The following NUDT7 variants were observed in gnomAD, a reference collection of about 807,000 sequenced individuals.
The protein encoded by NUDT7 is nudix hydrolase 7, also known as peroxisomal coenzyme A diphosphatase NUDT7.
In NUDT7, 19 loss-of-function variants were observed where a neutral mutation model predicts 13.1. The ratio of observed to expected loss-of-function variants is 1.45; its 90% CI spans 1.01 to 2.13. The LOEUF (loss-of-function observed/expected upper bound fraction) is 2.13. Ranked by LOEUF, NUDT7 falls within the 30% of genes most tolerant of loss-of-function variation. NUDT7 has a pLI of 0.00. For synonymous variants in NUDT7, 132 were observed against 109.7 expected (o/e 1.20, Z -1.27); for missense variants, 360 against 291.7 (o/e 1.23, Z -1.71).
chr16:77,726,782 G>A (rs771749688), intron 2 of NUDT7, among the ~76,000 whole-genome samples: 8 of 152,118 alleles, frequency 5.3e-5, no homozygotes, highest in Admixed American at 1.3e-4. Context: ...GAGGAACAGC[G>A]AGACTCCATC....
chr16:77,731,751 CT>C (rs1248037760), intron 2 of NUDT7, among the ~76,000 whole-genome samples: 3 of 151,930 alleles, frequency 2.0e-5, no homozygotes, highest in African/African-American at 7.3e-5. Context: ...ATTGTTGCCC[CT>C]GAAGACCTTC....
chr16:77,740,917 T>A (rs1050223674), intron 3 of NUDT7, among the ~76,000 whole-genome samples: 1 of 152,238 alleles, frequency 6.6e-6, no homozygotes, highest in South Asian at 2.1e-4. Context: ...TATACATGTG[T>A]GTTATATAAA....
At chr16:77,730,354 C>G (rs751368088) in intron 2 of NUDT7, among the ~76,000 whole-genome samples, 2 of 152,108 alleles carry the variant, frequency 1.3e-5, no homozygotes, top group Non-Finnish European at 2.9e-5. Context: ...TTTAATATTC[C>G]ACATATGAAT....
Position 77,742,022 on chromosome 16 carries a change from G to A in NUDT7, c.*72G>A. 6.7e-7 allele frequency: 1 copy of A among 1,493,642 alleles called. No individual in the cohort carries two copies. The highest frequency in any genetic ancestry group is 8.8e-7 in the Non-Finnish European group (1 of 1,130,492). The allele number at this position is 1,493,642 out of a possible 1,614,324, so 92.5% of individuals were successfully genotyped here. A position where few individuals can be genotyped will look rare whatever the true frequency, so the allele number is the denominator to read the frequency against. On this transcript the variant is annotated 3_prime_UTR_variant, in exon 4 of 4. Coordinates refer to ENST00000268533, the MANE Select transcript of NUDT7 (RefSeq NM_001105663.3). ...TGCTTATTCGTAGAACAACAACAAT[G>A]CCAGCTGTTGGAATTTGACAGGTGT...
At chr16:77,726,956 G>A (rs867406558) in intron 2 of NUDT7, among the ~76,000 whole-genome samples, 1 of 115,510 alleles carries the variant, frequency 8.7e-6, no homozygotes, top group Admixed American at 8.7e-5. Flanking sequence ...TCATGGCAGA[G>A]GGGGAGCAGG....
rs765614153 is a variant in NUDT7 at position 77,741,585 on chromosome 16, G to C, written c.352G>C (p.Asp118His). 14 of 1,601,432 alleles carry C rather than the reference G, an allele frequency of 8.7e-6. No homozygotes were observed. In the South Asian group the frequency reaches 1.5e-4, roughly 17 times the overall value. The stretch of plus-strand genomic sequence containing the variant: ...CTGTTTTGTTTTCTGCTTTTAGACA[G>C]ATACATTGATAACTCCATTTGTGGG... ...CCLVPCLIDT[D>H]TLITPFVGLI... The change falls in exon 4 of 4, where the codon GAT becomes CAT. Residue 118 changes from aspartate (D) to histidine (H), a missense_variant. By Grantham distance (81) the Asp-to-His change is moderately conservative. Coordinates refer to ENST00000268533, the MANE Select transcript of NUDT7 (RefSeq NM_001105663.3).
intron 1 of NUDT7, among the ~76,000 whole-genome samples, chr16:77,723,384 C>G (rs2014025905): frequency 6.6e-6 from 1 of 152,054 alleles, no homozygotes; most frequent in Non-Finnish European, 1.5e-5. Context: ...GGTGAGCACC[C>G]TGCCACCTAG....
At chr16:77,736,775 ACTTTC>A (rs1388702654) in intron 3 of NUDT7, 1 of 175,944 alleles carries the variant, frequency 5.7e-6, no homozygotes, top group Non-Finnish European at 1.2e-5. Flanking sequence ...TTCTGATCTT[ACTTTC>A]TATCGGTTCA....
At chr16:77,735,623 AAGTT>A (rs762666600) in intron 2 of NUDT7, 13 of 603,844 alleles carry the variant, frequency 2.2e-5, no homozygotes, top group Admixed American at 1.7e-4. Flanking sequence ...AATAGAATAA[AAGTT>A]AGCAGTGAGA....
At chr16:77,727,481 T>G (rs1029459257) in intron 2 of NUDT7, among the ~76,000 whole-genome samples, 9 of 152,184 alleles carry the variant, frequency 5.9e-5, no homozygotes, top group Non-Finnish European at 1.2e-4. Context: ...GGGAAATACT[T>G]AAATGGAAAC....
chr16:77,723,003 G>A (rs1034890241), intron 1 of NUDT7, among the ~76,000 whole-genome samples: 7 of 152,114 alleles, frequency 4.6e-5, no homozygotes, highest in African/African-American at 1.7e-4. Flanking sequence ...TGTCAGTTTC[G>A]TAAACTCTCT....
rs148451618 is a variant in NUDT7 at position 77,723,592 on chromosome 16, CTTTT to C, written c.35+990_35+993del. Among the ~76,000 whole-genome samples, 1,031 of 125,662 alleles carry C rather than the reference CTTTT, an allele frequency of 8.2e-3. 22 individuals are homozygous for C. Among genetic ancestry groups the C allele is most frequent in the African/African-American group, 0.03 (956 of 31,908 alleles). The allele number at this position is 125,662 out of a possible 152,430, so 82.4% of individuals were successfully genotyped here. Reference sequence around the variant, plus strand: ...AACTCAGAGAAGTCATTTGTATACACTTTTTTTTTTTTTTTTTTGAGACAGAGTC... The same window carrying C: ...AACTCAGAGAAGTCATTTGTATACACTTTTTTTTTTTTTTGAGACAGAGTC... On this transcript the variant is annotated intron_variant, in intron 1 of 3. Transcript: ENST00000268533.
At chr16:77,727,152 T>C (rs2014164294) in intron 2 of NUDT7, among the ~76,000 whole-genome samples, 1 of 152,116 alleles carries the variant, frequency 6.6e-6, no homozygotes, top group African/African-American at 2.4e-5. Context: ...CAGTTCAACA[T>C]GAGATTTGGG....
At position 77,742,046 on chromosome 16, in the gene NUDT7, G is replaced by T; in HGVS notation, c.*96G>T. On this transcript the variant is annotated 3_prime_UTR_variant, in exon 4 of 4. Coordinates refer to ENST00000268533, the MANE Select transcript of NUDT7 (RefSeq NM_001105663.3). ...TGCCAGCTGTTGGAATTTGACAGGT[G>T]TGAATATTTTTTCTGCAGTATGTAG... 1 of 1,485,752 alleles carries T rather than the reference G, an allele frequency of 6.7e-7. No homozygotes were observed. The highest frequency in any genetic ancestry group is 8.9e-7 in the Non-Finnish European group (1 of 1,127,198). 92.0% of individuals were successfully genotyped at this position (1,485,752 alleles called of 1,614,324 possible).
intron 2 of NUDT7, among the ~76,000 whole-genome samples, chr16:77,733,187 C>T (rs1454891203): frequency 1.3e-5 from 2 of 152,194 alleles, no homozygotes; most frequent in Non-Finnish European, 2.9e-5. Context: ...TTTATCATGG[C>T]ATTGTCATAG....
chr16:77,724,714 C>G (rs1023461922), intron 1 of NUDT7, among the ~76,000 whole-genome samples: 5 of 152,202 alleles, frequency 3.3e-5, no homozygotes, highest in African/African-American at 1.2e-4. Flanking sequence ...ACTGTTCAAC[C>G]CACTATACAA....
chr16:77,722,653 G>A, intron 1 of NUDT7, 36 bp downstream of exon 1: 1 of 1,570,166 alleles, frequency 6.4e-7, no homozygotes, highest in Non-Finnish European at 8.7e-7. Context: ...CCCGAGCTTG[G>A]TCAGGCCCGG....
chr16:77,733,585 A>G (rs186752719), intron 2 of NUDT7, among the ~76,000 whole-genome samples: 37 of 152,364 alleles, frequency 2.4e-4, no homozygotes, highest in African/African-American at 7.9e-4. Context: ...TATATGGCCT[A>G]GGTGCTAAAA....
At chr16:77,727,469 G>A (rs7189238) in intron 2 of NUDT7, among the ~76,000 whole-genome samples, 52,707 of 152,094 alleles carry the variant, frequency 0.35, 10,691 homozygotes, top group African/African-American at 0.58. Flanking sequence ...CCAGGTTCCA[G>A]GGGGAAATAC....
Sources: gnomAD v4.1 joint callset for allele counts (sites outside exome capture counted in the v4.1 genomes callset) on GRCh38, gnomAD v4.1.1 for gene constraint, MANE v1.5 for transcripts, NCBI Gene and HGNC (gene_info 2026-07-23, HGNC 2026-07-21) for gene names.